Variants in NHSL2 observed in about 807,000 individuals in gnomAD.
The protein encoded by NHSL2 is NHS like 2, also known as NHS-like protein 2.
A neutral mutation model predicts 53.4 loss-of-function variants in NHSL2; 27 were observed. That is an observed-to-expected ratio of 0.51 (90% CI 0.37 to 0.70). The LOEUF (loss-of-function observed/expected upper bound fraction) is 0.70, where lower values mean the gene tolerates loss of function less well. Ranked by LOEUF, NHSL2 falls within the 30% of genes least tolerant of loss-of-function variation. The pLI, the probability that NHSL2 is intolerant of heterozygous loss-of-function variation, is 0.00. For missense variants in NHSL2, 892 were observed against 980.1 expected (o/e 0.91, Z 1.20); for synonymous variants, 408 against 404.1 (o/e 1.01, Z -0.12).
At chrX:71,925,419 AC>A (rs2041679735) in intron 1 of NHSL2, among the ~76,000 whole-genome samples, 1 of 103,104 alleles carries the variant, frequency 9.7e-6, no homozygotes, top group African/African-American at 3.5e-5. Flanking sequence ...ATGTTTTTGC[AC>A]TTTTTTTTTT....
intron 1 of NHSL2, among the ~76,000 whole-genome samples, chrX:72,016,655 A>G (rs1386319472): frequency 9.1e-6 from 1 of 110,048 alleles, no homozygotes; most frequent in East Asian, 2.8e-4. Flanking sequence ...CACATAACCC[A>G]TCCCCAACAC....
chrX:72,066,841 G>T (rs2042433061), intron 1 of NHSL2, among the ~76,000 whole-genome samples: 1 of 111,863 alleles, frequency 8.9e-6, no homozygotes, highest in South Asian at 3.7e-4. Context: ...TAAAAAAACT[G>T]CTTTGAGGCT....
chrX:72,111,452 T>G (rs747594953), intron 1 of NHSL2, among the ~76,000 whole-genome samples: 4 of 112,659 alleles, frequency 3.6e-5, no homozygotes, highest in South Asian at 7.3e-4. Context: ...GTCTTTACTG[T>G]GAGCCAGGCA....
rs763164857 is a variant in NHSL2, at chrX:71,979,446, C to T, written c.280+68079C>T. 5.8e-3 allele frequency among the ~76,000 whole-genome samples: 648 copies of T among 111,231 alleles called. 5 individuals carry two copies. The highest frequency in any genetic ancestry group is 0.021 in the African/African-American group (629 of 30,495). ...TGTTGTCTCCTGACTTTTTAATGAT[C>T]GCCATTCTAACTGGTGTGAGATGGT... On this transcript the variant is annotated intron_variant, in intron 1 of 7. Coordinates refer to ENST00000633930, the MANE Select transcript of NHSL2 (RefSeq NM_001013627.3).
intron 1 of NHSL2, chrX:72,129,756 C>T (rs1438335904): frequency 1.0e-6 from 1 of 986,286 alleles, no homozygotes; most frequent in African/African-American, 1.9e-5. Context: ...GCAAATGGGG[C>T]AGGTATGGCA....
At chrX:72,098,793 A>G (rs2041966415) in intron 1 of NHSL2, among the ~76,000 whole-genome samples, 1 of 111,751 alleles carries the variant, frequency 8.9e-6, no homozygotes, top group African/African-American at 3.2e-5. Context: ...GTTATTGTAA[A>G]ATGACACGTT....
At position 71,926,771 on chromosome X, in the gene NHSL2, A is replaced by C. The variant is rs190400233; in HGVS notation, c.280+15404A>C. On this transcript the variant is annotated intron_variant, in intron 1 of 7. Coordinates refer to ENST00000633930, the MANE Select transcript of NHSL2 (RefSeq NM_001013627.3). ...ACTAAGTTCAGGGTGTGGGGTTTAC[A>C]TGAAGCACTTGAGATAAAGAATAGC... 3.8e-4 allele frequency among the ~76,000 whole-genome samples: 43 copies of C among 111,857 alleles called. No individual in the cohort carries two copies. The East Asian group carries it at 6.2e-3, about 16-fold the overall frequency.
intron 1 of NHSL2, among the ~76,000 whole-genome samples, chrX:72,056,033 C>T (rs2042367440): frequency 8.9e-6 from 1 of 111,805 alleles, no homozygotes; most frequent in Non-Finnish European, 1.9e-5. Flanking sequence ...TGTAAATAAC[C>T]ATGGAATACT....
intron 1 of NHSL2, among the ~76,000 whole-genome samples, chrX:72,108,468 C>T (rs535912675): frequency 2.7e-5 from 3 of 112,714 alleles, no homozygotes; most frequent in Admixed American, 1.9e-4. Context: ...ATAGAGGCAA[C>T]GTGAATCTCC....
At chrX:72,044,759 A>G in intron 1 of NHSL2, 1 of 1,016,831 alleles carries the variant, frequency 9.8e-7, no homozygotes, top group East Asian at 3.0e-5. Flanking sequence ...GTGAAGCTAC[A>G]TTACTGTGTG....
At chrX:72,105,570 A>G (rs1282073338) in intron 1 of NHSL2, among the ~76,000 whole-genome samples, 1 of 111,340 alleles carries the variant, frequency 9.0e-6, no homozygotes, top group Non-Finnish European at 1.9e-5. Flanking sequence ...CAGTTTGTTT[A>G]TAAGAGGTTA....
intron 1 of NHSL2, among the ~76,000 whole-genome samples, chrX:72,022,059 C>T (rs888567933): frequency 1.8e-5 from 2 of 111,929 alleles, no homozygotes; most frequent in Non-Finnish European, 3.8e-5. Context: ...CACCCAGGCA[C>T]TCTACCTGCT....
In NHSL2 at chrX:72,148,765, G is replaced by A. The variant is rs1478317561; in HGVS notation, c.*5191G>A. On this transcript the variant is annotated 3_prime_UTR_variant, in exon 8 of 8. Coordinates refer to ENST00000633930, the MANE Select transcript of NHSL2 (RefSeq NM_001013627.3). ...AGTAAAGCCCAAAATCTAGGCCAAT[G>A]GTTCTCAAAGTGCAGTTCCAGGAGC... 9.1e-6 allele frequency: 1 copy of A among 109,890 alleles called. No homozygotes were observed. Among genetic ancestry groups the A allele is most frequent in the Non-Finnish European group, 1.9e-5 (1 of 52,687 alleles). 9.1% of individuals were successfully genotyped at this position (109,890 alleles called of 1,213,427 possible).
intron 1 of NHSL2, among the ~76,000 whole-genome samples, chrX:72,040,754 A>G (rs1424232788): frequency 8.9e-6 from 1 of 112,045 alleles, no homozygotes; most frequent in East Asian, 2.8e-4. Context: ...ATGCCACCCA[A>G]CTTGCTTCTG....
chrX:71,951,887 G>A (rs889410435), intron 1 of NHSL2, among the ~76,000 whole-genome samples: 14 of 111,694 alleles, frequency 1.3e-4, no homozygotes, highest in African/African-American at 4.2e-4. Context: ...TAAGCCCTAA[G>A]ATTTCTTCGA....
In NHSL2 at chrX:72,144,153, T is replaced by C. The variant is rs1261945802; in HGVS notation, c.*579T>C. 2 of 132,812 alleles carry C rather than the reference T, an allele frequency of 1.5e-5. No individual in the cohort carries two copies. Among genetic ancestry groups the C allele is most frequent in the African/African-American group, 6.4e-5 (2 of 31,230 alleles). 10.9% of individuals were successfully genotyped at this position (132,812 alleles called of 1,213,427 possible). A position where few individuals can be genotyped will look rare whatever the true frequency, so the allele number is the denominator to read the frequency against. ...GAGGTTGATTGGATGGCTTTTGTGG[T>C]GCAAAATATGACTGTGACTCTGTCC... On this transcript the variant is annotated 3_prime_UTR_variant, in exon 8 of 8. Coordinates refer to ENST00000633930, the MANE Select transcript of NHSL2 (RefSeq NM_001013627.3).
Position 72,147,361 on chromosome X carries a change from G to A in NHSL2, c.*3787G>A, listed in dbSNP as rs968795381. On this transcript the variant is annotated 3_prime_UTR_variant, in exon 8 of 8. Transcript: ENST00000633930. ...AGGGCCATGCAAGTGCCTTACCCTCGTCCCAGCCCTGTGATTTGCACTCTT... is the reference window on the plus strand; with the variant it reads ...AGGGCCATGCAAGTGCCTTACCCTCATCCCAGCCCTGTGATTTGCACTCTT... 1 of 111,967 alleles carries A rather than the reference G, an allele frequency of 8.9e-6. No homozygotes were observed. The highest frequency in any genetic ancestry group is 1.9e-5 in the Non-Finnish European group (1 of 53,163). 9.2% of individuals were successfully genotyped at this position (111,967 alleles called of 1,213,427 possible). A position where few individuals can be genotyped will look rare whatever the true frequency, so the allele number is the denominator to read the frequency against.
intron 1 of NHSL2, among the ~76,000 whole-genome samples, chrX:72,090,905 C>T (rs1040147160): frequency 2.7e-5 from 3 of 111,215 alleles, no homozygotes; most frequent in Non-Finnish European, 1.9e-5. Context: ...TTTCACCTGA[C>T]ATTGTATCTT....
intron 1 of NHSL2, among the ~76,000 whole-genome samples, chrX:71,969,701 T>C (rs2041917388): frequency 1.8e-5 from 2 of 112,880 alleles, no homozygotes; most frequent in African/African-American, 6.4e-5. Context: ...GGATTTTCTA[T>C]ATACAAGGTC....
Sources: gnomAD v4.1 joint callset for allele counts (sites outside exome capture counted in the v4.1 genomes callset) on GRCh38, gnomAD v4.1.1 for gene constraint, MANE v1.5 for transcripts, NCBI Gene and HGNC (gene_info 2026-07-23, HGNC 2026-07-21) for gene names.